The following DBR1 variants were observed in gnomAD, a reference collection of about 807,000 sequenced individuals.
DBR1 encodes the protein lariat debranching enzyme.
Under a neutral mutation model 45.9 loss-of-function variants are expected in DBR1, and 33 were observed. That is an observed-to-expected ratio of 0.72 (90% CI 0.55 to 0.96). The LOEUF (loss-of-function observed/expected upper bound fraction) is 0.96, where lower values mean the gene tolerates loss of function less well. Among genes scored for constraint, DBR1 ranks in the 40% least tolerant of loss-of-function variants. The pLI is 0.00. For missense variants in DBR1, 619 were observed against 667.4 expected, an observed-to-expected ratio of 0.93 and a Z score of 0.80; for synonymous variants, 235 against 235.9, an observed-to-expected ratio of 1.00 and a Z score of 0.04.
chr3:138,166,148 T>A (rs915503192), intron 5 of DBR1, among the ~76,000 whole-genome samples: 1 of 152,214 alleles, frequency 6.6e-6, no homozygotes, highest in African/African-American at 2.4e-5. Context: ...TCTCTACATG[T>A]CTCCAAGAAG....
At chr3:138,163,651 T>TA in intron 6 of DBR1, 127 bp downstream of exon 6, 1 of 717,482 alleles carries the variant, frequency 1.4e-6, no homozygotes, top group Non-Finnish European at 2.0e-6. Context: ...ATAAGTAAGA[T>TA]ACCCCCAAAG....
chr3:138,172,930 A>C (rs1267042061), intron 2 of DBR1, among the ~76,000 whole-genome samples: 6 of 152,206 alleles, frequency 3.9e-5, no homozygotes, highest in African/African-American at 1.4e-4. Flanking sequence ...GACCACGAAC[A>C]TGGCAATAGA....
At chr3:138,165,654 G>A (rs1424165975) in intron 5 of DBR1, among the ~76,000 whole-genome samples, 7 of 152,026 alleles carry the variant, frequency 4.6e-5, no homozygotes, top group African/African-American at 1.4e-4. Flanking sequence ...GTGTGAACCC[G>A]GAAGGTGGAG....
intron 5 of DBR1, among the ~76,000 whole-genome samples, chr3:138,164,446 A>G (rs1387347981): frequency 6.6e-6 from 1 of 152,250 alleles, no homozygotes; most frequent in Non-Finnish European, 1.5e-5. Flanking sequence ...ATGAATGTTC[A>G]GGAAAGGCAA....
chr3:138,173,953 G>A (rs898991425), intron 1 of DBR1, among the ~76,000 whole-genome samples: 17 of 150,668 alleles, frequency 1.1e-4, no homozygotes, highest in African/African-American at 3.9e-4. Flanking sequence ...CCCAGGAGAC[G>A]GAGGTTGCAG....
chr3:138,167,078 T>C lies in DBR1; in HGVS notation c.714+3A>G, dbSNP rs2042933641. ...ATGAAAGAATAAACATTTTGTTTTC[T>C]ACCTGATGCTGCATCAAGGCGGCAA... On this transcript the variant is annotated splice_donor_region_variant and intron_variant, in intron 5 of 7. Transcript: ENST00000260803. 6.2e-7 allele frequency: 1 copy of C among 1,613,446 alleles called. No individual in the cohort carries two copies. The highest frequency in any genetic ancestry group is 1.3e-5 in the African/African-American group (1 of 74,928).
intron 4 of DBR1, among the ~76,000 whole-genome samples, chr3:138,168,837 A>G (rs1331750404): frequency 7.2e-5 from 11 of 152,162 alleles, no homozygotes. Context: ...GCATGCCTAT[A>G]GTCCAAGCTA....
rs1347641321 is a variant in DBR1, at chr3:138,162,234, C to T, written c.1290G>A (p.Met430Ile). 6.2e-7 allele frequency: 1 copy of T among 1,614,154 alleles called. No individual in the cohort carries two copies. The highest frequency in any genetic ancestry group is 1.3e-5 in the African/African-American group (1 of 75,046). The stretch of plus-strand genomic sequence containing the variant: ...TATCTTCATCTTCTTCTTCATCTAA[C>T]ATTATTTCATCTGGATTAATAGAAG... ...ALSSINPDEI[M>I]LDEEEDEDSI... Residue 430 changes from methionine to isoleucine, a missense_variant, in exon 8 of 8, where the codon ATG (methionine) becomes ATA (isoleucine). Transcript: ENST00000260803.
chr3:138,172,025 T>C (rs1034715667), intron 2 of DBR1, among the ~76,000 whole-genome samples: 4 of 151,962 alleles, frequency 2.6e-5, no homozygotes, highest in African/African-American at 4.8e-5. Flanking sequence ...ACGGGTGAGG[T>C]AGTGGGAGGT....
chr3:138,163,789 C>A lies in DBR1; in HGVS notation c.784G>T (p.Asp262Tyr), dbSNP rs761162405. 7.4e-6 allele frequency: 12 copies of A among 1,610,738 alleles called. No individual in the cohort carries two copies. The Admixed American group carries it at 1.8e-4, about 25-fold the overall frequency. The change falls in exon 6 of 8, where the codon GAT becomes TAT. Residue 262 changes from aspartate (D) to tyrosine (Y), a missense_variant. By Grantham distance (160) the Asp-to-Tyr change is radical (BLOSUM62 -3). Transcript: ENST00000260803. ...LALDKCLPHR[D>Y]FLQILEIEHD... is the part of the protein sequence containing the mutation. The stretch of plus-strand genomic sequence containing the variant: ...TTCACTCTTCTTACCTGAAGAAAAT[C>A]TCTATGTGGTAAGCATTTGTCCAAG...
At chr3:138,174,023 G>GAAA (rs138787515) in intron 1 of DBR1, among the ~76,000 whole-genome samples, 15 of 123,918 alleles carry the variant, frequency 1.2e-4, no homozygotes, top group Non-Finnish European at 6.8e-5. Flanking sequence ...TCTGTCTCAA[G>GAAA]AAAAAAAAAA....
intron 5 of DBR1, among the ~76,000 whole-genome samples, chr3:138,166,643 C>A (rs2042931408): frequency 6.6e-6 from 1 of 152,144 alleles, no homozygotes; most frequent in East Asian, 1.9e-4. Context: ...CCCTAGAAGG[C>A]AGTTATGATC....
Position 138,171,647 on chromosome 3 carries a change from T to C in DBR1, c.389A>G (p.His130Arg), listed in dbSNP as rs142840558. The C allele has an allele frequency of 9.3e-6, 15 of 1,608,820 alleles. No homozygotes were observed. Among genetic ancestry groups the C allele is most frequent in the Non-Finnish European group, 1.3e-5 (15 of 1,175,478 alleles). ...CAAAACAATACCTTTTCGATAGTCA[T>C]GAGATTTAAAGATACCAGAGATTCC... Reference protein sequence around the residue: ...IGGISGIFKSHDYRKGHFECP... With the variant: ...IGGISGIFKSRDYRKGHFECP... The change falls in exon 3 of 8, where the codon CAT becomes CGT. Residue 130 changes from histidine (H) to arginine (R), a missense_variant. By Grantham distance (29) the His-to-Arg change is conservative (BLOSUM62 0). Around this residue, in one of 3 missense-constraint regions of DBR1, gnomAD observed 430 missense variants for 447.7 expected, o/e 0.96. Transcript: ENST00000260803.
At position 138,173,601 on chromosome 3, in the gene DBR1, G is replaced by T. The variant is rs1477544401; in HGVS notation, c.223C>A (p.Pro75Thr). 3 of 1,613,438 alleles carry T rather than the reference G, an allele frequency of 1.9e-6. No homozygotes were observed. In the African/African-American group the frequency reaches 4.0e-5, roughly 22 times the overall value. ...CCCCCAATGAAGAGCGTGAGAACTGGAGCCTTTTTCTCTCCAGAGTAATAC... is the reference window on the plus strand; with the variant it reads ...CCCCCAATGAAGAGCGTGAGAACTGTAGCCTTTTTCTCTCCAGAGTAATAC... ...YRYYSGEKKA[P>T]VLTLFIGGNH... Residue 75 changes from proline to threonine, a missense_variant, in exon 2 of 8, where the codon CCA becomes ACA. This residue lies in a region of DBR1 where 430 missense variants were observed against 447.7 expected (regional missense o/e 0.96). Transcript: ENST00000260803.
chr3:138,166,027 T>C (rs2042929066), intron 5 of DBR1, among the ~76,000 whole-genome samples: 2 of 152,220 alleles, frequency 1.3e-5, no homozygotes, highest in Non-Finnish European at 2.9e-5. Context: ...GAGGAACATT[T>C]TTAAAGTATA....
chr3:138,169,888 G>A (rs777846224), intron 4 of DBR1, among the ~76,000 whole-genome samples: 14 of 151,786 alleles, frequency 9.2e-5, no homozygotes, highest in Admixed American at 1.3e-4. Flanking sequence ...AGCCGAGATC[G>A]CGCCACTGCA....
intron 3 of DBR1, 162 bp downstream of exon 3, chr3:138,171,471 G>A (rs1310565045): frequency 2.3e-5 from 10 of 426,690 alleles, no homozygotes; most frequent in Non-Finnish European, 3.9e-5. Context: ...ACGAAACTCT[G>A]TCTCAAAAAA....
intron 1 of DBR1, 39 bp downstream of exon 1, chr3:138,174,560 C>A: frequency 7.7e-6 from 11 of 1,424,160 alleles, no homozygotes; most frequent in Non-Finnish European, 9.7e-6. Context: ...CCCAGTCCCA[C>A]CCCCCCACCG....
At chr3:138,168,335 A>G (rs746626289) in intron 4 of DBR1, among the ~76,000 whole-genome samples, 17 of 151,834 alleles carry the variant, frequency 1.1e-4, no homozygotes, top group East Asian at 1.9e-4. Context: ...CCTGGCCAAC[A>G]TGGTGAAACC....
Sources: gnomAD v4.1 joint callset for allele counts (sites outside exome capture counted in the v4.1 genomes callset) on GRCh38, gnomAD v4.1.1 for gene constraint, gnomAD v4.1.1 regional missense constraint, MANE v1.5 for transcripts, NCBI Gene and HGNC (gene_info 2026-07-23, HGNC 2026-07-21) for gene names.